ARHGAP6: variants seen among roughly 807,000 people sequenced by gnomAD.
ARHGAP6 encodes rho GTPase-activating protein 6.
In ARHGAP6, 16 loss-of-function variants were observed where a neutral mutation model predicts 55.7. That is an observed-to-expected ratio of 0.29 (90% CI 0.19 to 0.44). The LOEUF (loss-of-function observed/expected upper bound fraction) is 0.44, where lower values mean the gene tolerates loss of function less well. ARHGAP6 is among the 20% of genes least tolerant of loss of function. The pLI, the probability that ARHGAP6 is intolerant of heterozygous loss-of-function variation, is 1.00. For missense variants in ARHGAP6, 698 were observed against 808.9 expected (o/e 0.86, Z 1.66); for synonymous variants, 382 against 360.9 (o/e 1.06, Z -0.66).
At chrX:11,500,417 T>G (rs1167125568) in intron 1 of ARHGAP6, among the ~76,000 whole-genome samples, 1 of 110,846 alleles carries the variant, frequency 9.0e-6, no homozygotes, top group Non-Finnish European at 1.9e-5. Context: ...TCCCAGCACT[T>G]TGTGAGGCCG....
chrX:11,420,909 G>T (rs2049815905), intron 1 of ARHGAP6, among the ~76,000 whole-genome samples: 1 of 112,295 alleles, frequency 8.9e-6, no homozygotes, highest in Admixed American at 9.5e-5. Flanking sequence ...CAGAAGAGAG[G>T]TGGCAAATTA....
At chrX:11,282,289 T>C (rs2238907) in intron 1 of ARHGAP6, among the ~76,000 whole-genome samples, 36,235 of 110,887 alleles carry the variant, frequency 0.33, 5,055 homozygotes, top group African/African-American at 0.54. Flanking sequence ...GTGGACTCTG[T>C]GAGAGACTCA....
At chrX:11,319,033 T>C (rs1414272630) in intron 1 of ARHGAP6, among the ~76,000 whole-genome samples, 1 of 112,151 alleles carries the variant, frequency 8.9e-6, no homozygotes, top group East Asian at 2.8e-4. Context: ...ATAGACCCAT[T>C]GCCTAGAGAA....
intron 1 of ARHGAP6, among the ~76,000 whole-genome samples, chrX:11,459,216 T>A (rs1265284527): frequency 8.9e-6 from 1 of 112,078 alleles, no homozygotes; most frequent in Non-Finnish European, 1.9e-5. Flanking sequence ...TGCCAAGAAC[T>A]ACTTAGGCTT....
chrX:11,580,825 T>A (rs1218044675), intron 1 of ARHGAP6, among the ~76,000 whole-genome samples: 1 of 112,300 alleles, frequency 8.9e-6, no homozygotes, highest in African/African-American at 3.2e-5. Context: ...AGGTTTTGTG[T>A]TTCTCTCTTC....
At chrX:11,391,597 T>C (rs2049407059) in intron 1 of ARHGAP6, among the ~76,000 whole-genome samples, 1 of 112,358 alleles carries the variant, frequency 8.9e-6, no homozygotes, top group Non-Finnish European at 1.9e-5. Context: ...TGAGGGCCTG[T>C]GAGTGAGAAC....
intron 1 of ARHGAP6, among the ~76,000 whole-genome samples, chrX:11,467,992 GAATAAATAAATAAATA>G (rs1199877737): frequency 0.015 from 610 of 39,692 alleles, 5 homozygotes; most frequent in Admixed American, 0.025. Context: ...ATGAATGAAT[GAATAAATAAATAAATA>G]AATAAATAAA....
chrX:11,566,903 T>C (rs997946827), intron 1 of ARHGAP6, among the ~76,000 whole-genome samples: 4 of 111,755 alleles, frequency 3.6e-5, no homozygotes, highest in African/African-American at 6.5e-5. Flanking sequence ...GCTTACAGCA[T>C]GCTCAAACAA....
At chrX:11,632,568 A>C (rs2052372717) in intron 1 of ARHGAP6, among the ~76,000 whole-genome samples, 1 of 112,437 alleles carries the variant, frequency 8.9e-6, no homozygotes, top group Admixed American at 9.4e-5. Flanking sequence ...ATTTTCCTTT[A>C]GCAAATTGCA....
intron 1 of ARHGAP6, among the ~76,000 whole-genome samples, chrX:11,292,355 G>A (rs757162750): frequency 9.0e-6 from 1 of 111,683 alleles, no homozygotes; most frequent in East Asian, 2.8e-4. Flanking sequence ...AAGCCCATGT[G>A]TTATACCAAG....
chrX:11,404,352 C>A (rs778316683), intron 1 of ARHGAP6, among the ~76,000 whole-genome samples: 2 of 111,814 alleles, frequency 1.8e-5, no homozygotes, highest in African/African-American at 6.5e-5. Context: ...GCAAGAGATT[C>A]CAAAGGCAAG....
intron 1 of ARHGAP6, among the ~76,000 whole-genome samples, chrX:11,450,166 A>G (rs1223780666): frequency 9.1e-6 from 1 of 109,414 alleles, no homozygotes; most frequent in Non-Finnish European, 1.9e-5. Context: ...GTGATAAGTG[A>G]TTTATGCTTG....
intron 1 of ARHGAP6, among the ~76,000 whole-genome samples, chrX:11,456,795 C>A (rs978177225): frequency 6.2e-5 from 7 of 112,574 alleles, no homozygotes; most frequent in African/African-American, 2.3e-4. Context: ...ATCAGTGAAT[C>A]TATTCTATTC....
intron 1 of ARHGAP6, among the ~76,000 whole-genome samples, chrX:11,434,937 C>T (rs1385935704): frequency 8.9e-6 from 1 of 111,950 alleles, no homozygotes; most frequent in Non-Finnish European, 1.9e-5. Flanking sequence ...GCAGTAAGAA[C>T]CAACCGAAGA....
intron 1 of ARHGAP6, among the ~76,000 whole-genome samples, chrX:11,472,389 G>A (rs755190102): frequency 2.3e-4 from 26 of 112,166 alleles, no homozygotes; most frequent in African/African-American, 6.8e-4. Flanking sequence ...GGACAGAGAT[G>A]GAGAGGCACC....
intron 1 of ARHGAP6, among the ~76,000 whole-genome samples, chrX:11,320,041 T>A (rs1409100203): frequency 8.9e-6 from 1 of 112,102 alleles, no homozygotes; most frequent in Non-Finnish European, 1.9e-5. Flanking sequence ...ATCCACCATA[T>A]CACTTCAAGT....
At chrX:11,628,706 G>A (rs1054408031) in intron 1 of ARHGAP6, among the ~76,000 whole-genome samples, 1 of 112,214 alleles carries the variant, frequency 8.9e-6, no homozygotes, top group Non-Finnish European at 1.9e-5. Context: ...AATCTGCTAC[G>A]TGAAAGCAAG....
At chrX:11,459,341 G>A (rs1174450497) in intron 1 of ARHGAP6, among the ~76,000 whole-genome samples, 1 of 111,542 alleles carries the variant, frequency 9.0e-6, no homozygotes, top group Non-Finnish European at 1.9e-5. Flanking sequence ...TTAGTAAATT[G>A]CTTAAGGTCA....
chrX:11,196,747 C>T lies in ARHGAP6; in HGVS notation c.820+178G>A, dbSNP rs773672580. ...ACCAGCTGAATTCATCAGTTCAGTA[C>T]AGGGCTGCTCAAACACAGAAGAGTA... On this transcript the variant is annotated intron_variant, in intron 3 of 12. Transcript: ENST00000337414. 4.5e-5 allele frequency among the ~76,000 whole-genome samples: 5 copies of T among 112,048 alleles called. No individual in the cohort carries two copies. In the South Asian group the frequency reaches 1.5e-3, roughly 34 times the overall value.
Sources: gnomAD v4.1 joint callset for allele counts (sites outside exome capture counted in the v4.1 genomes callset) on GRCh38, gnomAD v4.1.1 for gene constraint, MANE v1.5 for transcripts, NCBI Gene and HGNC (gene_info 2026-07-23, HGNC 2026-07-21) for gene names.